Variants in CEP250 observed in about 807,000 individuals in gnomAD.
The protein encoded by CEP250 is centrosomal protein 250.
A neutral mutation model predicts 315.7 loss-of-function variants in CEP250; 242 were observed. That is an observed-to-expected ratio of 0.77 (90% CI 0.69 to 0.85). CEP250 has a LOEUF of 0.85. Ranked by LOEUF, CEP250 falls within the 40% of genes least tolerant of loss-of-function variation. The pLI is 0.00. For missense variants in CEP250, 2,515 were observed against 2,886.4 expected, an observed-to-expected ratio of 0.87 and a Z score of 2.95; for synonymous variants, 1,088 against 1,175.0, an observed-to-expected ratio of 0.93 and a Z score of 1.51.
Position 35,511,596 on chromosome 20 carries a change from C to T in CEP250, c.7299C>T (p.Ser2433=). The T allele has an allele frequency of 6.2e-7, 1 of 1,612,890 alleles. No individual in the cohort carries two copies. Among genetic ancestry groups the T allele is most frequent in the Non-Finnish European group, 8.5e-7 (1 of 1,179,634 alleles). ...TSPGPVLLHP[S]PSTTQAASR is the part of the protein sequence containing the mutation. Reference sequence around the variant, plus strand: ...CAGGGCCAGTCCTGCTACACCCCAGCCCCAGCACTACCCAAGCCGCCTCCA... The same window carrying T: ...CAGGGCCAGTCCTGCTACACCCCAGTCCCAGCACTACCCAAGCCGCCTCCA... Residue 2433 remains serine, a synonymous_variant, in exon 35 of 35, where the codon AGC becomes AGT. Transcript: ENST00000397527.
chr20:35,504,241 G>A lies in CEP250; in HGVS notation c.5872G>A (p.Ala1958Thr). 1.2e-6 allele frequency: 2 copies of A among 1,603,580 alleles called. No individual in the cohort carries two copies. The highest frequency in any genetic ancestry group is 1.7e-6 in the Non-Finnish European group (2 of 1,175,548). Residue 1958 changes from alanine (A) to threonine (T), a missense_variant, in exon 30 of 35, where the codon GCT becomes ACT. Ala to Thr is a moderately conservative substitution (Grantham distance 58, BLOSUM62 0). Coordinates refer to ENST00000397527, the MANE Select transcript of CEP250 (RefSeq NM_007186.6). ...TCAGTCCTCCCGGCATCAGGAGGAG[G>A]CTGCCCGGGCCCGGGCTGAGGCTCT... ...ESQSSRHQEE[A>T]ARARAEALQE...
In CEP250 at chr20:35,510,534, AACTAAAAGTCC is replaced by A. The variant is rs112206232; in HGVS notation, c.7065+484_7065+494del. Among the ~76,000 whole-genome samples, 22 of 152,338 alleles carry A rather than the reference AACTAAAAGTCC, an allele frequency of 1.4e-4. 2 individuals are homozygous for A. Among genetic ancestry groups the A allele is most frequent in the African/African-American group, 5.1e-4 (21 of 41,574 alleles). ...AGAGCCTTCCTGCCTCTTAGGCCTC[AACTAAAAGTCC>A]ACTCTCCCTTTCAAGTTGCAGGAAT... On this transcript the variant is annotated intron_variant, in intron 34 of 34. Transcript: ENST00000397527.
intron 20 of CEP250, among the ~76,000 whole-genome samples, chr20:35,490,313 C>CA (rs1376281572): frequency 2.7e-5 from 4 of 148,918 alleles, no homozygotes; most frequent in African/African-American, 2.5e-5. Context: ...ACTCCGTCTC[C>CA]AAAAAAAAAT....
chr20:35,497,697 A>G (rs2063879780), intron 25 of CEP250, 22 bp from the exon 26 acceptor site: 1 of 1,506,556 alleles, frequency 6.6e-7, no homozygotes. Flanking sequence ...TGCTTATATT[A>G]TGTAAAATTC....
rs1250512174 is a variant in CEP250, at chr20:35,504,973, C to T, written c.6604C>T (p.Leu2202=). Residue 2202 remains leucine (L), a synonymous_variant, in exon 30 of 35, where the codon CTG becomes TTG. Transcript: ENST00000397527. The part of the protein sequence containing the change: ...EVAMFLQASV[L]ERDSEQQRLQ... ...AGCCATGTTCCTACAAGCCTCTGTC[C>T]TGGAGCGGGACTCAGAACAGCAAAG... The T allele has an allele frequency of 1.9e-6, 3 of 1,612,016 alleles. No individual in the cohort carries two copies. Among genetic ancestry groups the T allele is most frequent in the Non-Finnish European group, 2.5e-6 (3 of 1,178,566 alleles).
chr20:35,510,816 G>A (rs796070317), intron 34 of CEP250, among the ~76,000 whole-genome samples: 9 of 152,242 alleles, frequency 5.9e-5, no homozygotes, highest in African/African-American at 2.2e-4. Context: ...CCAACATGAC[G>A]AAACCCTGTC....
At chr20:35,479,171 G>T in intron 17 of CEP250, 60 bp from the exon 18 acceptor site, 1 of 1,534,136 alleles carries the variant, frequency 6.5e-7, no homozygotes, top group South Asian at 1.2e-5. Flanking sequence ...CTAACCTGGT[G>T]GTAGCGGCCC....
At chr20:35,487,086 T>C (rs190389148) in intron 20 of CEP250, among the ~76,000 whole-genome samples, 2 of 152,300 alleles carry the variant, frequency 1.3e-5, no homozygotes, top group African/African-American at 4.8e-5. Flanking sequence ...TTCTCTATGA[T>C]TGAGCAGGTC....
At chr20:35,458,584 A>G (rs1950031405) in intron 2 of CEP250, among the ~76,000 whole-genome samples, 1 of 152,042 alleles carries the variant, frequency 6.6e-6, no homozygotes, top group Non-Finnish European at 1.5e-5. Context: ...TTAGTTTGCC[A>G]GCTACTGCTC....
rs1568807031 is a variant in CEP250, at chr20:35,490,989, C to T, written c.2754+185C>T. On this transcript the variant is annotated intron_variant, in intron 21 of 34. Coordinates refer to ENST00000397527, the MANE Select transcript of CEP250 (RefSeq NM_007186.6). Reference sequence around the variant, plus strand: ...GCCACAGTTCCGGCAGTATGTCATACTTCCTGAGGGAGGGCTGACATGTAC... The same window carrying T: ...GCCACAGTTCCGGCAGTATGTCATATTTCCTGAGGGAGGGCTGACATGTAC... The T allele has an allele frequency of 8.8e-6, 7 of 799,674 alleles. No individual in the cohort carries two copies. In the East Asian group the frequency reaches 1.6e-4, roughly 18 times the overall value. The allele number at this position is 799,674 out of a possible 1,614,324, so 49.5% of individuals were successfully genotyped here.
At chr20:35,463,461 C>T (rs902677326) in intron 4 of CEP250, 114 bp from the exon 5 acceptor site, 2 of 779,904 alleles carry the variant, frequency 2.6e-6, no homozygotes, top group Non-Finnish European at 3.9e-6. Context: ...ACCTTACTGT[C>T]ACCACCCATT....
chr20:35,469,813 G>A, intron 9 of CEP250, 77 bp from the exon 10 acceptor site: 1 of 937,506 alleles, frequency 1.1e-6, no homozygotes, highest in Non-Finnish European at 1.6e-6. Flanking sequence ...TTGGGGCTGG[G>A]GCTGGGGTGT....
chr20:35,467,035 C>T lies in CEP250; in HGVS notation c.562C>T (p.Arg188Ter), dbSNP rs1369076411. The T allele has an allele frequency of 7.4e-6, 12 of 1,613,710 alleles. No homozygotes were observed. The highest frequency in any genetic ancestry group is 3.3e-5 in the South Asian group (3 of 91,072). ...TCTATGGCGGGAGGTTGTGACATTC[C>T]GACGCCACTTCCTGGAAATGAAGTC... is the stretch of plus-strand genomic sequence containing the variant. The part of the protein sequence containing the change: ...LSLWREVVTF[R>*]RHFLEMKSAT... Residue 188 changes from arginine to a stop codon, truncating the protein, a stop_gained, in exon 8 of 35, where the codon CGA (arginine) becomes TGA (stop). Coordinates refer to ENST00000397527, the MANE Select transcript of CEP250 (RefSeq NM_007186.6). LOFTEE classifies it high-confidence loss of function.
chr20:35,471,052 C>A lies in CEP250; in HGVS notation c.949-998C>A, dbSNP rs180923016. On this transcript the variant is annotated intron_variant, in intron 10 of 34. Transcript: ENST00000397527. ...TCCTGAACCCCTATTCATATGTACA[C>A]CCCTAGTCTTCTCATCCAAGCTGAG... 1.1e-3 allele frequency among the ~76,000 whole-genome samples: 173 copies of A among 152,316 alleles called. 1 individual carries two copies. Among genetic ancestry groups the A allele is most frequent in the African/African-American group, 4.1e-3 (170 of 41,560 alleles).
At chr20:35,457,528 A>G (rs534983638) in intron 1 of CEP250, among the ~76,000 whole-genome samples, 9 of 146,516 alleles carry the variant, frequency 6.1e-5, no homozygotes. Flanking sequence ...ACAGCCAGCA[A>G]TTTTTTTTTT....
intron 20 of CEP250, among the ~76,000 whole-genome samples, chr20:35,487,628 A>T (rs575375700): frequency 6.6e-6 from 1 of 151,810 alleles, no homozygotes; most frequent in African/African-American, 2.4e-5. Context: ...ATAAAGGTGA[A>T]TAAATGCATG....
At chr20:35,459,559 G>T (rs1237420487) in intron 2 of CEP250, among the ~76,000 whole-genome samples, 3 of 151,864 alleles carry the variant, frequency 2.0e-5, no homozygotes, top group Admixed American at 6.6e-5. Context: ...GGACCAGGGG[G>T]TGGCTGTCTG....
intron 20 of CEP250, among the ~76,000 whole-genome samples, chr20:35,487,464 T>C (rs1421320747): frequency 6.6e-6 from 1 of 151,780 alleles, no homozygotes; most frequent in Non-Finnish European, 1.5e-5. Flanking sequence ...AGTGAGACTC[T>C]GTCTCAAAGA....
chr20:35,463,524 C>A, intron 4 of CEP250, 51 bp from the exon 5 acceptor site: 1 of 1,532,120 alleles, frequency 6.5e-7, no homozygotes, highest in Admixed American at 2.0e-5. Flanking sequence ...TTGCTTTGGG[C>A]TGTTTGTGCC....
Sources: gnomAD v4.1 joint callset for allele counts (sites outside exome capture counted in the v4.1 genomes callset) on GRCh38, gnomAD v4.1.1 for gene constraint, MANE v1.5 for transcripts, NCBI Gene and HGNC (gene_info 2026-07-23, HGNC 2026-07-21) for gene names.